Variants in QRFPR observed in about 807,000 individuals in gnomAD.
The protein encoded by QRFPR is pyroglutamylated RF-amide peptide receptor.
QRFPR carries 37 observed loss-of-function variants against 31.3 expected under a neutral mutation model. That is an observed-to-expected ratio of 1.18 (90% CI 0.91 to 1.56). The LOEUF (loss-of-function observed/expected upper bound fraction) is 1.56. Among genes scored for constraint, QRFPR ranks in the 40% most tolerant of loss-of-function variants. The pLI, the probability that QRFPR is intolerant of heterozygous loss-of-function variation, is 0.00. For synonymous variants in QRFPR, 197 were observed against 192.0 expected (o/e 1.03, Z -0.22); for missense variants, 542 against 532.5 (o/e 1.02, Z -0.18).
intron 2 of QRFPR, 45 bp downstream of exon 2, chr4:121,340,407 G>A (rs758548284): frequency 1.2e-6 from 2 of 1,600,326 alleles, no homozygotes; most frequent in South Asian, 2.2e-5. Context: ...ATTCTGTAAT[G>A]AAGAATGTCA....
At chr4:121,361,928 A>G (rs1726000776) in intron 1 of QRFPR, among the ~76,000 whole-genome samples, 1 of 150,252 alleles carries the variant, frequency 6.7e-6, no homozygotes, top group African/African-American at 2.5e-5. Context: ...ATTACAAAGA[A>G]CCAGTACTAT....
intron 5 of QRFPR, 66 bp from the exon 6 acceptor site, chr4:121,329,780 G>T: frequency 8.7e-7 from 1 of 1,147,482 alleles, no homozygotes; most frequent in Non-Finnish European, 1.2e-6. Flanking sequence ...ACTTCTGTTT[G>T]TCACCTGTCA....
Position 121,358,568 on chromosome 4 carries a change from T to C in QRFPR, c.341-17958A>G, listed in dbSNP as rs555024571. Among the ~76,000 whole-genome samples, 6 of 152,326 alleles carry C rather than the reference T, an allele frequency of 3.9e-5. 1 individual carries two copies. The South Asian group carries it at 1.2e-3, about 32-fold the overall frequency. On this transcript the variant is annotated intron_variant, in intron 1 of 5. Coordinates refer to ENST00000394427, the MANE Select transcript of QRFPR (RefSeq NM_198179.3). ...CTTCTATTATTTCTTTGTTTCTGAATCATTTTCTTTATTCTTAACAGAATA... is the reference window on the plus strand; with the variant it reads ...CTTCTATTATTTCTTTGTTTCTGAACCATTTTCTTTATTCTTAACAGAATA...
intron 1 of QRFPR, among the ~76,000 whole-genome samples, chr4:121,344,227 G>A (rs1486882503): frequency 2.0e-5 from 3 of 152,174 alleles, no homozygotes; most frequent in African/African-American, 2.4e-5. Flanking sequence ...GATGTGCTCA[G>A]GTCCACACAG....
chr4:121,360,612 T>A (rs1305519160), intron 1 of QRFPR, among the ~76,000 whole-genome samples: 5 of 152,232 alleles, frequency 3.3e-5, no homozygotes, highest in Non-Finnish European at 5.9e-5. Flanking sequence ...TGCTCTTTGA[T>A]ATTTTCTATT....
At chr4:121,376,839 T>A (rs572952860) in intron 1 of QRFPR, among the ~76,000 whole-genome samples, 707 of 8,056 alleles carry the variant, frequency 0.088, 4 homozygotes, top group African/African-American at 0.34. Flanking sequence ...TTAACAAACT[T>A]TTTTTTTTCC....
rs939728459 is a variant in QRFPR, at chr4:121,336,797, T to A, written c.561+10A>T. ...CAACAATATGATTATACATCTCAAC[T>A]GGAGTCTACCTCAAGTTGTTGCACG... On this transcript the variant is annotated intron_variant, in intron 3 of 5. Transcript: ENST00000394427. The A allele has an allele frequency of 5.6e-6, 9 of 1,599,832 alleles. No homozygotes were observed. The highest frequency in any genetic ancestry group is 7.7e-6 in the Non-Finnish European group (9 of 1,166,944).
Position 121,329,344 on chromosome 4 carries a change from A to C in QRFPR, c.1266T>G (p.Ala422=). 1.2e-6 allele frequency: 2 copies of C among 1,613,632 alleles called. No individual in the cohort carries two copies. Among genetic ancestry groups the C allele is most frequent in the South Asian group, 1.1e-5 (1 of 90,872 alleles). ...RHLALFRSEL[A]ENSPLDSGH ...GCCCACTGTCTAAAGGAGAATTCTCAGCCAGTTCAGACCTAAAGAGAGCAA... is the reference window on the plus strand; with the variant it reads ...GCCCACTGTCTAAAGGAGAATTCTCCGCCAGTTCAGACCTAAAGAGAGCAA... The change falls in exon 6 of 6, where the codon GCT becomes GCG. Residue 422 remains alanine (A), a synonymous_variant. Coordinates refer to ENST00000394427, the MANE Select transcript of QRFPR (RefSeq NM_198179.3).
chr4:121,369,260 C>T (rs566385591), intron 1 of QRFPR, among the ~76,000 whole-genome samples: 1 of 152,304 alleles, frequency 6.6e-6, no homozygotes, highest in East Asian at 1.9e-4. Context: ...AACTCCTGAC[C>T]TCAGGTGATC....
intron 1 of QRFPR, among the ~76,000 whole-genome samples, chr4:121,360,296 TA>T (rs1273614414): frequency 6.6e-6 from 1 of 152,238 alleles, no homozygotes; most frequent in Admixed American, 6.5e-5. Flanking sequence ...ACAAGATGGA[TA>T]AAAACTTAGT....
At chr4:121,350,283 T>A (rs572421798) in intron 1 of QRFPR, among the ~76,000 whole-genome samples, 132 of 152,224 alleles carry the variant, frequency 8.7e-4, no homozygotes, top group African/African-American at 3.0e-3. Flanking sequence ...GTTAGAAGAG[T>A]CAGGCACTCA....
At chr4:121,341,327 C>A (rs1170264437) in intron 1 of QRFPR, among the ~76,000 whole-genome samples, 1 of 152,164 alleles carries the variant, frequency 6.6e-6, no homozygotes, top group Non-Finnish European at 1.5e-5. Flanking sequence ...CTGCTTGCTG[C>A]TACCAAATTC....
chr4:121,366,926 C>T lies in QRFPR; in HGVS notation c.340+13382G>A, dbSNP rs115036348. Among the ~76,000 whole-genome samples, 553 of 149,902 alleles carry T rather than the reference C, an allele frequency of 3.7e-3. 32 individuals carry two copies. Among genetic ancestry groups the T allele is most frequent in the African/African-American group, 0.013 (507 of 40,516 alleles). On this transcript the variant is annotated intron_variant, in intron 1 of 5. Coordinates refer to ENST00000394427, the MANE Select transcript of QRFPR (RefSeq NM_198179.3). ...GCAAGGCTCTAGTGCCCAGGATTGC[C>T]CAGATCTCAGCAAGTCTGCACCAGC... is the stretch of plus-strand genomic sequence containing the variant.
intron 1 of QRFPR, among the ~76,000 whole-genome samples, chr4:121,375,226 C>A (rs573126167): frequency 3.9e-5 from 6 of 152,314 alleles, no homozygotes; most frequent in African/African-American, 1.4e-4. Flanking sequence ...TCTCTCCCAG[C>A]CTATCCCTCA....
intron 1 of QRFPR, among the ~76,000 whole-genome samples, chr4:121,365,527 T>TATATAAA: frequency 2.0e-4 from 1 of 5,014 alleles, no homozygotes; most frequent in African/African-American, 1.4e-3. Flanking sequence ...TTATATATAT[T>TATATAAA]ATATATAATA....
chr4:121,360,912 C>G (rs1378984473), intron 1 of QRFPR, among the ~76,000 whole-genome samples: 1 of 152,214 alleles, frequency 6.6e-6, no homozygotes, highest in African/African-American at 2.4e-5. Flanking sequence ...CAAGCACCTT[C>G]CACAACATAC....
chr4:121,378,093 C>T (rs1726391097), intron 1 of QRFPR, among the ~76,000 whole-genome samples: 2 of 152,152 alleles, frequency 1.3e-5, no homozygotes, highest in African/African-American at 4.8e-5. Context: ...TAGGCCACCT[C>T]CAATTAAACA....
At chr4:121,347,130 C>T (rs1725668573) in intron 1 of QRFPR, among the ~76,000 whole-genome samples, 1 of 152,112 alleles carries the variant, frequency 6.6e-6, no homozygotes, top group African/African-American at 2.4e-5. Context: ...CAAAATTCTC[C>T]AGTGAAATCA....
At chr4:121,378,407 C>CTTGTTT in intron 1 of QRFPR, among the ~76,000 whole-genome samples, 1 of 100,926 alleles carries the variant, frequency 9.9e-6, no homozygotes, top group Non-Finnish European at 2.0e-5. Context: ...GCTCACTGCA[C>CTTGTTT]TTTTTTTTTT....
Sources: gnomAD v4.1 joint callset for allele counts (sites outside exome capture counted in the v4.1 genomes callset) on GRCh38, gnomAD v4.1.1 for gene constraint, MANE v1.5 for transcripts, NCBI Gene and HGNC (gene_info 2026-07-23, HGNC 2026-07-21) for gene names.